Variants in AXL observed in about 807,000 individuals in gnomAD.
AXL encodes AXL receptor tyrosine kinase.
AXL carries 52 observed loss-of-function variants against 104.5 expected under a neutral mutation model. That is an observed-to-expected ratio of 0.50 (90% CI 0.40 to 0.63). AXL has a LOEUF of 0.63. Ranked by LOEUF, AXL falls within the 20% of genes least tolerant of loss-of-function variation. The pLI is 0.00. For missense variants in AXL, 1,024 were observed against 1,188.5 expected, an observed-to-expected ratio of 0.86 and a Z score of 2.04; for synonymous variants, 455 against 473.7, an observed-to-expected ratio of 0.96 and a Z score of 0.51.
intron 15 of AXL, 39 bp downstream of exon 15, chr19:41,252,482 T>C: frequency 1.3e-6 from 2 of 1,599,122 alleles, no homozygotes; most frequent in South Asian, 1.1e-5. Flanking sequence ...ACAAGCCCCA[T>C]GGGGGCCATA....
intron 12 of AXL, among the ~76,000 whole-genome samples, chr19:41,244,097 G>A (rs528384919): frequency 1.3e-5 from 2 of 151,932 alleles, no homozygotes; most frequent in African/African-American, 2.4e-5. Context: ...CCTGCTACTC[G>A]GGAGGCTGAG....
intron 4 of AXL, among the ~76,000 whole-genome samples, chr19:41,222,772 G>A (rs1437540459): frequency 6.6e-6 from 1 of 152,056 alleles, no homozygotes; most frequent in African/African-American, 2.4e-5. Context: ...CGGGCGTGGT[G>A]GCGGGCGCCT....
chr19:41,220,935 C>T, intron 2 of AXL, 77 bp downstream of exon 2: 1 of 1,512,908 alleles, frequency 6.6e-7, no homozygotes, highest in South Asian at 1.2e-5. Flanking sequence ...GTGGGAACCC[C>T]AGTTTGACCA....
In AXL at chr19:41,256,311, G is replaced by C. The variant is rs1332304249; in HGVS notation, c.2037-141G>C. 4.1e-6 allele frequency: 4 copies of C among 973,218 alleles called. No homozygotes were observed. The South Asian group carries it at 6.2e-5, about 15-fold the overall frequency. The allele number at this position is 973,218 out of a possible 1,614,324, so 60.3% of individuals were successfully genotyped here. ...AGTAAAGCAGTTCCCTTCTGGACTG[G>C]GATGAAGGTTTAGGAGACAGATCCC... On this transcript the variant is annotated intron_variant, in intron 17 of 19. Transcript: ENST00000301178.
chr19:41,253,071 T>C (rs1268317408), intron 16 of AXL, 104 bp downstream of exon 16: 2 of 1,264,698 alleles, frequency 1.6e-6, no homozygotes, highest in Non-Finnish European at 2.2e-6. Context: ...AGGAGCTTGC[T>C]CTCCTGGAGC....
intron 12 of AXL, among the ~76,000 whole-genome samples, chr19:41,247,467 C>T (rs1445710434): frequency 6.6e-6 from 1 of 151,858 alleles, no homozygotes; most frequent in African/African-American, 2.4e-5. Flanking sequence ...TGCGCCATCG[C>T]ACTCCAGCCT....
At chr19:41,256,023 G>A (rs373105491) in intron 17 of AXL, among the ~76,000 whole-genome samples, 8 of 152,280 alleles carry the variant, frequency 5.3e-5, no homozygotes, top group African/African-American at 1.9e-4. Context: ...GGGATTACAG[G>A]CGCCAGCCAC....
chr19:41,231,200 C>G lies in AXL; in HGVS notation c.685C>G (p.Arg229Gly). Residue 229 changes from arginine (R) to glycine (G), a missense_variant, in exon 6 of 20, where the codon CGT (arginine) becomes GGT (glycine). Coordinates refer to ENST00000301178, the MANE Select transcript of AXL (RefSeq NM_021913.5). Reference sequence around the variant, plus strand: ...GTCCACAGTGCTCCCCCAGCAGCCCCGTAACCTCCACCTGGTCTCCCGCCA... The same window carrying G: ...GTCCACAGTGCTCCCCCAGCAGCCCGGTAACCTCCACCTGGTCTCCCGCCA... ...ATITVLPQQP[R>G]NLHLVSRQPT... 1 of 1,613,348 alleles carries G rather than the reference C, an allele frequency of 6.2e-7. No homozygotes were observed. Among genetic ancestry groups the G allele is most frequent in the Non-Finnish European group, 8.5e-7 (1 of 1,179,598 alleles).
At chr19:41,244,933 TA>T (rs2034246547) in intron 12 of AXL, among the ~76,000 whole-genome samples, 1 of 129,688 alleles carries the variant, frequency 7.7e-6, no homozygotes, top group Admixed American at 7.4e-5. Context: ...AAGTCTATAC[TA>T]TTTTTTTTTT....
At position 41,220,754 on chromosome 19, in the gene AXL, T is replaced by C. The variant is rs140935892; in HGVS notation, c.204T>C (p.His68=). ...TTCAGGGAGAGCCCCCCGAGGTACA[T>C]TGGCTTCGGGATGGACAGATCCTGG... is the stretch of plus-strand genomic sequence containing the variant. ...LQVQGEPPEV[H]WLRDGQILEL... is the part of the protein sequence containing the mutation. The change falls in exon 2 of 20, where the codon CAT becomes CAC. Residue 68 remains histidine, a synonymous_variant. Transcript: ENST00000301178. 9.0e-5 allele frequency: 145 copies of C among 1,614,024 alleles called. No homozygotes were observed. The highest frequency in any genetic ancestry group is 1.1e-4 in the Non-Finnish European group (133 of 1,179,998).
intron 2 of AXL, 39 bp downstream of exon 2, chr19:41,220,897 T>C: frequency 6.2e-7 from 1 of 1,603,296 alleles, no homozygotes; most frequent in Non-Finnish European, 8.5e-7. Flanking sequence ...CCCACCTCCG[T>C]CACACAGAGG....
In AXL at chr19:41,219,852, G is replaced by C. The variant is rs572927369; in HGVS notation, c.85+375G>C. 2.9e-3 allele frequency among the ~76,000 whole-genome samples: 446 copies of C among 151,716 alleles called. 2 individuals carry two copies. The highest frequency in any genetic ancestry group is 4.8e-3 in the Non-Finnish European group (323 of 67,864). On this transcript the variant is annotated intron_variant, in intron 1 of 19. Transcript: ENST00000301178. ...GAAGGGGCACCGAGTCAGGCAGTGGGATGAGGAGGGCTCTGGAGCCCTGGG... is the reference window on the plus strand; with the variant it reads ...GAAGGGGCACCGAGTCAGGCAGTGGCATGAGGAGGGCTCTGGAGCCCTGGG...
chr19:41,220,116 GC>G (rs1474946825), intron 1 of AXL, among the ~76,000 whole-genome samples: 7 of 148,310 alleles, frequency 4.7e-5, no homozygotes, highest in African/African-American at 1.5e-4. Context: ...TCCCCCCTCC[GC>G]CCCCACCTTT....
Position 41,222,031 on chromosome 19 carries a change from C to T in AXL, c.561C>T (p.Gly187=), listed in dbSNP as rs2033800214. Residue 187 remains glycine (G), a synonymous_variant, in exon 4 of 20, where the codon GGC becomes GGT. Transcript: ENST00000301178. The part of the protein sequence containing the change: ...AVPLATAPGH[G]PQRSLHVPGL... ...CCCTGGCCACGGCTCCAGGTCACGG[C>T]CCCCAGCGCAGCCTGCATGTTCCAG... 3 of 1,588,734 alleles carry T rather than the reference C, an allele frequency of 1.9e-6. No homozygotes were observed. Among genetic ancestry groups the T allele is most frequent in the East Asian group, 2.3e-5 (1 of 44,270 alleles).
chr19:41,241,502 CCACT>C (rs1016533218), intron 10 of AXL, among the ~76,000 whole-genome samples: 1 of 146,342 alleles, frequency 6.8e-6, no homozygotes, highest in African/African-American at 2.6e-5. Context: ...CAAGATCATG[CCACT>C]ATACTCCAGC....
chr19:41,247,980 T>C (rs2122262569), intron 12 of AXL, among the ~76,000 whole-genome samples: 1 of 152,204 alleles, frequency 6.6e-6, no homozygotes, highest in Middle Eastern at 3.4e-3. Context: ...TGGAGTGAAG[T>C]GGTGCGATCT....
Position 41,249,671 on chromosome 19 carries a change from G to A in AXL, c.1711+851G>A, listed in dbSNP as rs192470946. 5.9e-5 allele frequency among the ~76,000 whole-genome samples: 9 copies of A among 151,758 alleles called. No homozygotes were observed. The South Asian group carries it at 6.3e-4, about 11-fold the overall frequency. ...CTCGGGAGGCTGAGGCAGGAGAATCGCTTGAACCTCACAGGCGGAGATTGC... is the reference window on the plus strand; with the variant it reads ...CTCGGGAGGCTGAGGCAGGAGAATCACTTGAACCTCACAGGCGGAGATTGC... On this transcript the variant is annotated intron_variant, in intron 14 of 19. Transcript: ENST00000301178.
intron 6 of AXL, among the ~76,000 whole-genome samples, chr19:41,237,653 G>A (rs2034103669): frequency 6.6e-6 from 1 of 152,156 alleles, no homozygotes; most frequent in Admixed American, 6.6e-5. Flanking sequence ...ATCCTGTAAG[G>A]CACTTGATCC....
At position 41,256,662 on chromosome 19, in the gene AXL, C is replaced by T. The variant is rs752925813; in HGVS notation, c.2196+51C>T. ...GGAACCATGGGAGGGCATGGCCTGA[C>T]CATCACACACTATGCCTGGGTGGCT... On this transcript the variant is annotated intron_variant, in intron 18 of 19. Coordinates refer to ENST00000301178, the MANE Select transcript of AXL (RefSeq NM_021913.5). The T allele has an allele frequency of 1.2e-5, 19 of 1,596,622 alleles. No homozygotes were observed. The East Asian group carries it at 2.9e-4, about 25-fold the overall frequency.
Sources: gnomAD v4.1 joint callset for allele counts (sites outside exome capture counted in the v4.1 genomes callset) on GRCh38, gnomAD v4.1.1 for gene constraint, MANE v1.5 for transcripts, NCBI Gene and HGNC (gene_info 2026-07-23, HGNC 2026-07-21) for gene names.